Variants in RASGRP3 observed in about 807,000 individuals in gnomAD.
RASGRP3 encodes the protein ras guanyl-releasing protein 3.
In RASGRP3, 54 loss-of-function variants were observed where a neutral mutation model predicts 82.7. The ratio of observed to expected loss-of-function variants is 0.65; its 90% confidence interval spans 0.52 to 0.82. The LOEUF (loss-of-function observed/expected upper bound fraction) is 0.82. RASGRP3 is among the 40% of genes least tolerant of loss of function. The pLI is 0.00. For synonymous variants in RASGRP3, 309 were observed against 300.5 expected (o/e 1.03, Z -0.29); for missense variants, 861 against 828.9 (o/e 1.04, Z -0.48).
At chr2:33,467,656 C>T (rs111990387) in intron 2 of RASGRP3, among the ~76,000 whole-genome samples, 3 of 152,300 alleles carry the variant, frequency 2.0e-5, no homozygotes, top group African/African-American at 7.2e-5. Flanking sequence ...CTTGACGCAG[C>T]TTGTGTGGAA....
chr2:33,539,083 T>C lies in RASGRP3; in HGVS notation c.1162-11T>C. The stretch of plus-strand genomic sequence containing the variant: ...AGTTGAAAAATATGTGGTTTTTTTT[T>C]TGTTTATCAGCAGCCTACCTCCCCT... On this transcript the variant is annotated splice_polypyrimidine_tract_variant and intron_variant, in intron 11 of 17. Coordinates refer to ENST00000403687, the MANE Select transcript of RASGRP3 (RefSeq NM_001139488.2). 1.3e-6 allele frequency: 2 copies of C among 1,539,122 alleles called. No individual in the cohort carries two copies. Among genetic ancestry groups the C allele is most frequent in the Non-Finnish European group, 1.8e-6 (2 of 1,136,744 alleles).
Position 33,485,031 on chromosome 2 carries a change from T to C in RASGRP3, c.-261+8324T>C, listed in dbSNP as rs765473573. 1.2e-4 allele frequency among the ~76,000 whole-genome samples: 19 copies of C among 152,232 alleles called. No homozygotes were observed. In the Middle Eastern group the frequency reaches 0.01, roughly 82 times the overall value. ...CTGACCAACAAGGAGAAACCCAGTC[T>C]CTACTAAAAATACAAAATTAGCCAA... On this transcript the variant is annotated intron_variant, in intron 1 of 17. Coordinates refer to ENST00000403687, the MANE Select transcript of RASGRP3 (RefSeq NM_001139488.2).
At chr2:33,473,345 C>T (rs1335455347), upstream of RASGRP3, among the ~76,000 whole-genome samples, 4 of 151,596 alleles carry the variant, frequency 2.6e-5, no homozygotes, top group Admixed American at 6.6e-5. Context: ...ATCGCGCCAC[C>T]ACACTCCAGC....
chr2:33,493,284 G>C (rs1022890142), intron 1 of RASGRP3: 1 of 152,234 alleles, frequency 6.6e-6, no homozygotes, highest in Admixed American at 6.5e-5. Context: ...TCCTTCTTGA[G>C]AAAGCTGCCA....
chr2:33,493,749 G>T (rs551509156), intron 1 of RASGRP3, among the ~76,000 whole-genome samples: 1 of 150,556 alleles, frequency 6.6e-6, no homozygotes, highest in Non-Finnish European at 1.5e-5. Flanking sequence ...CCAAGTTCCT[G>T]AATGAATAAA....
chr2:33,477,889 ACC>A (rs1667525848), intron 1 of RASGRP3, among the ~76,000 whole-genome samples: 1 of 152,148 alleles, frequency 6.6e-6, no homozygotes, highest in Admixed American at 6.5e-5. Context: ...TTGAAGTCTC[ACC>A]AAATAGTTGT....
At chr2:33,546,422 C>CA (rs776842532) in intron 13 of RASGRP3, among the ~76,000 whole-genome samples, 5,906 of 79,270 alleles carry the variant, frequency 0.075, 368 homozygotes, top group African/African-American at 0.22. Context: ...GACTCCGTCT[C>CA]AAAAAAAAAA....
chr2:33,512,066 A>G (rs1670977634), intron 2 of RASGRP3, among the ~76,000 whole-genome samples: 1 of 152,238 alleles, frequency 6.6e-6, no homozygotes, highest in African/African-American at 2.4e-5. Context: ...AGACACAATA[A>G]TGTCCACACA....
chr2:33,481,036 G>C (rs1421239239), intron 1 of RASGRP3: 1 of 152,246 alleles, frequency 6.6e-6, no homozygotes, highest in East Asian at 1.9e-4. Flanking sequence ...AGAGGAAATA[G>C]AGGACGAGAG....
At chr2:33,503,764 A>G (rs1040212108) in intron 1 of RASGRP3, among the ~76,000 whole-genome samples, 5 of 152,236 alleles carry the variant, frequency 3.3e-5, no homozygotes, top group African/African-American at 1.2e-4. Context: ...AGATGATAAC[A>G]TAGTACAGTT....
chr2:33,524,506 C>A lies in RASGRP3; in HGVS notation c.765C>A (p.Arg255=). The change falls in exon 9 of 18, where the codon CGC becomes CGA. Residue 255 remains arginine, a synonymous_variant. Coordinates refer to ENST00000403687, the MANE Select transcript of RASGRP3 (RefSeq NM_001139488.2). ...VGGLSHSSIS[R]LKETHSHLSS... ...GCCTCAGTCATAGTTCCATTTCACGCCTCAAAGAGACCCATTCTCATCTTT... is the reference window on the plus strand; with the variant it reads ...GCCTCAGTCATAGTTCCATTTCACGACTCAAAGAGACCCATTCTCATCTTT... 3.7e-6 allele frequency: 6 copies of A among 1,604,682 alleles called. No homozygotes were observed. Among genetic ancestry groups the A allele is most frequent in the Non-Finnish European group, 4.3e-6 (5 of 1,175,292 alleles).
chr2:33,459,089 C>T (rs1425068057), intron 2 of RASGRP3, among the ~76,000 whole-genome samples: 1 of 151,912 alleles, frequency 6.6e-6, no homozygotes, highest in Non-Finnish European at 1.5e-5. Flanking sequence ...AATTTTAATG[C>T]CTCTCATATT....
At chr2:33,469,061 A>T (rs1666892665) in intron 2 of RASGRP3, among the ~76,000 whole-genome samples, 1 of 152,196 alleles carries the variant, frequency 6.6e-6, no homozygotes, top group African/African-American at 2.4e-5. Context: ...TATAGATAAT[A>T]AATTGTATCT....
chr2:33,457,311 C>T (rs1323908189), intron 2 of RASGRP3, among the ~76,000 whole-genome samples: 3 of 152,034 alleles, frequency 2.0e-5, no homozygotes, highest in Admixed American at 2.0e-4. Context: ...AAACCTGGAA[C>T]CCTCTTTTTT....
intron 2 of RASGRP3, among the ~76,000 whole-genome samples, chr2:33,464,512 C>T (rs898206115): frequency 6.3e-5 from 9 of 143,960 alleles, no homozygotes; most frequent in African/African-American, 7.7e-5. Flanking sequence ...CTTGCTCTGT[C>T]GCCCAGGCTG....
At chr2:33,468,268 G>A (rs1574265358) in intron 2 of RASGRP3, among the ~76,000 whole-genome samples, 1 of 151,984 alleles carries the variant, frequency 6.6e-6, no homozygotes, top group Admixed American at 6.6e-5. Context: ...TTAAAAATTT[G>A]ATATATAATG....
intron 1 of RASGRP3, among the ~76,000 whole-genome samples, chr2:33,505,350 T>C (rs1670265559): frequency 6.6e-6 from 1 of 151,856 alleles, no homozygotes; most frequent in South Asian, 2.1e-4. Context: ...TTACCCAGGC[T>C]GGAGTGCAAT....
At chr2:33,554,410 T>C (rs973106727) in intron 14 of RASGRP3, among the ~76,000 whole-genome samples, 1 of 152,198 alleles carries the variant, frequency 6.6e-6, no homozygotes, top group Non-Finnish European at 1.5e-5. Flanking sequence ...CCATACTGTA[T>C]GCCTCTGGTG....
At chr2:33,456,260 A>G (rs1448608543) in intron 2 of RASGRP3, among the ~76,000 whole-genome samples, 1 of 152,212 alleles carries the variant, frequency 6.6e-6, no homozygotes, top group African/African-American at 2.4e-5. Flanking sequence ...TTCGTTTGTT[A>G]TTTAATGATA....
Sources: allele counts gnomAD v4.1 joint callset (sites outside exome capture counted in the v4.1 genomes callset), GRCh38; gene constraint gnomAD v4.1.1; transcripts MANE v1.5; gene names NCBI Gene and HGNC (gene_info 2026-07-23, HGNC 2026-07-21).